Variants in CIRSR observed in about 807,000 individuals in gnomAD.
The protein encoded by CIRSR is corepressor of RBPJ and splicing regulator.
the CIRSR span, chr2:174,378,683 T>C: frequency 6.3e-6 from 3 of 478,220 alleles, no homozygotes; most frequent in East Asian, 1.2e-4. Flanking sequence ...CTTTAAAACT[T>C]AGTTCATAGG....
the CIRSR span, among the ~76,000 whole-genome samples, chr2:174,382,972 T>C: frequency 0.45 from 68,343 of 152,004 alleles, 16,546 homozygotes; most frequent in African/African-American, 0.61. Flanking sequence ...TTATATCCAC[T>C]GGATTCTATA....
At chr2:174,385,441 T>A in the CIRSR span, among the ~76,000 whole-genome samples, 2 of 152,102 alleles carry the variant, frequency 1.3e-5, no homozygotes, top group South Asian at 4.1e-4. Flanking sequence ...TGCATTCAAA[T>A]GACCAAACCT....
the CIRSR span, chr2:174,378,986 G>A: frequency 6.2e-6 from 10 of 1,613,882 alleles, no homozygotes; most frequent in African/African-American, 1.3e-5. Flanking sequence ...GGACATTCTC[G>A]ATCTGTGTTG....
the CIRSR span, chr2:174,349,305 A>G: frequency 1.4e-4 from 81 of 566,050 alleles, no homozygotes; most frequent in Non-Finnish European, 1.9e-4. Context: ...GCTGGCTCAT[A>G]CCTGTAATCC....
the CIRSR span, among the ~76,000 whole-genome samples, chr2:174,370,782 G>C: frequency 2.6e-5 from 4 of 152,018 alleles, no homozygotes; most frequent in Non-Finnish European, 5.9e-5. Context: ...GTGGTGGCAG[G>C]CGCCTGTAGT....
At chr2:174,366,575 T>C in the CIRSR span, among the ~76,000 whole-genome samples, 5 of 151,846 alleles carry the variant, frequency 3.3e-5, no homozygotes, top group African/African-American at 1.2e-4. Flanking sequence ...AGGAAAATGA[T>C]ATAAGCCAGA....
chr2:174,389,673 T>A, the CIRSR span, among the ~76,000 whole-genome samples: 1 of 152,156 alleles, frequency 6.6e-6, no homozygotes, highest in Non-Finnish European at 1.5e-5. Flanking sequence ...CTCCAGGGTA[T>A]GTCAGAGACC....
chr2:174,350,623 A>T, the CIRSR span: 2 of 1,389,272 alleles, frequency 1.4e-6, no homozygotes, highest in South Asian at 2.6e-5. Context: ...AATACTAAGG[A>T]AAAAATAAAT....
the CIRSR span, among the ~76,000 whole-genome samples, chr2:174,379,641 C>A: frequency 6.6e-6 from 1 of 151,206 alleles, no homozygotes; most frequent in African/African-American, 2.4e-5. Context: ...TGACCTTGAG[C>A]TGATTCTCCA....
the CIRSR span, among the ~76,000 whole-genome samples, chr2:174,354,495 AATT>A: frequency 2.5e-5 from 1 of 39,890 alleles, no homozygotes; most frequent in Non-Finnish European, 5.4e-5. Context: ...ATATTATATA[AATT>A]ATATTATATA....
chr2:174,376,272 A>G, the CIRSR span, among the ~76,000 whole-genome samples: 1 of 152,190 alleles, frequency 6.6e-6, no homozygotes, highest in African/African-American at 2.4e-5. Context: ...ATTCATTTAG[A>G]TAGAGAAAAA....
chr2:174,393,387 A>G, the CIRSR span, among the ~76,000 whole-genome samples: 6 of 152,230 alleles, frequency 3.9e-5, no homozygotes, highest in Non-Finnish European at 8.8e-5. Context: ...TTTTTGGTGA[A>G]CAAATGAGAC....
At chr2:174,351,019 T>C in the CIRSR span, among the ~76,000 whole-genome samples, 1 of 152,204 alleles carries the variant, frequency 6.6e-6, no homozygotes, top group African/African-American at 2.4e-5. Context: ...ATAAAATGTT[T>C]AGAGCATGAC....
chr2:174,388,019 CT>C, the CIRSR span, among the ~76,000 whole-genome samples: 1 of 152,118 alleles, frequency 6.6e-6, no homozygotes, highest in Non-Finnish European at 1.5e-5. Flanking sequence ...GCAAAAAAAT[CT>C]CATAATGTTT....
At chr2:174,385,022 C>G in the CIRSR span, among the ~76,000 whole-genome samples, 1 of 151,892 alleles carries the variant, frequency 6.6e-6, no homozygotes, top group African/African-American at 2.4e-5. Flanking sequence ...TCAGACTGAT[C>G]AACACAGTGA....
chr2:174,385,053 A>C, the CIRSR span, among the ~76,000 whole-genome samples: 1 of 151,938 alleles, frequency 6.6e-6, no homozygotes, highest in African/African-American at 2.4e-5. Flanking sequence ...CTGTCTCTAC[A>C]AAAAAGAAAA....
chr2:174,361,647 C>A, the CIRSR span, among the ~76,000 whole-genome samples: 30 of 152,226 alleles, frequency 2.0e-4, no homozygotes, highest in East Asian at 5.4e-3. Context: ...AAAAATTAGG[C>A]AAGGAGAAGA....
chr2:174,393,814 C>CA, the CIRSR span, among the ~76,000 whole-genome samples: 2 of 152,008 alleles, frequency 1.3e-5, no homozygotes, highest in Admixed American at 1.3e-4. Context: ...ACACTATAAA[C>CA]ATATCCATCA....
At chr2:174,379,716 CTTTTTT>C in the CIRSR span, among the ~76,000 whole-genome samples, 2 of 83,718 alleles carry the variant, frequency 2.4e-5, no homozygotes, top group African/African-American at 4.5e-5. Flanking sequence ...TGATTCCTGT[CTTTTTT>C]TTTTTTTTTT....
Sources: allele counts gnomAD v4.1 joint callset (sites outside exome capture counted in the v4.1 genomes callset), GRCh38; gene constraint gnomAD v4.1.1; transcripts MANE v1.5; gene names NCBI Gene and HGNC (gene_info 2026-07-23, HGNC 2026-07-21).